EPHA3: variants seen among roughly 807,000 people sequenced by gnomAD.
EPHA3 encodes ephrin type-A receptor 3.
Under a neutral mutation model 107.1 loss-of-function variants are expected in EPHA3, and 42 were observed. The ratio of observed to expected loss-of-function variants is 0.39; its 90% CI spans 0.31 to 0.51. EPHA3 has a LOEUF of 0.51. EPHA3 is among the 20% of genes least tolerant of loss of function. The pLI is 0.78. For synonymous variants in EPHA3, 461 were observed against 424.8 expected, an observed-to-expected ratio of 1.09 and a Z score of -1.05; for missense variants, 1,183 against 1,211.2, an observed-to-expected ratio of 0.98 and a Z score of 0.35.
At chr3:89,227,615 G>A (rs574850568) in intron 3 of EPHA3, among the ~76,000 whole-genome samples, 33 of 152,082 alleles carry the variant, frequency 2.2e-4, no homozygotes, top group African/African-American at 7.7e-4. Context: ...ACATATCCAG[G>A]AACAACTAGT....
At chr3:89,270,190 A>C (rs1032802024) in intron 3 of EPHA3, among the ~76,000 whole-genome samples, 1 of 152,090 alleles carries the variant, frequency 6.6e-6, no homozygotes, top group Non-Finnish European at 1.5e-5. Context: ...GGCATTCTGC[A>C]TGGTACCTGA....
chr3:89,147,423 T>G (rs1184636465), intron 2 of EPHA3, among the ~76,000 whole-genome samples: 2 of 151,918 alleles, frequency 1.3e-5, no homozygotes, highest in East Asian at 1.9e-4. Context: ...GTTGCTAAGA[T>G]GTATGGTAAG....
At chr3:89,200,368 A>G (rs2107158794) in intron 2 of EPHA3, among the ~76,000 whole-genome samples, 1 of 152,334 alleles carries the variant, frequency 6.6e-6, no homozygotes, top group Non-Finnish European at 1.5e-5. Context: ...CTATCTTCAC[A>G]TGTAGATATT....
chr3:89,451,404 C>A (rs1195714800), intron 15 of EPHA3, among the ~76,000 whole-genome samples: 2 of 151,998 alleles, frequency 1.3e-5, no homozygotes, highest in African/African-American at 4.8e-5. Context: ...GCAAAGATAT[C>A]TTGTTTAATA....
intron 1 of EPHA3, among the ~76,000 whole-genome samples, chr3:89,114,171 G>A (rs1237957188): frequency 6.6e-6 from 1 of 152,096 alleles, no homozygotes; most frequent in Non-Finnish European, 1.5e-5. Context: ...CCACAGGAGG[G>A]GATAACTGCC....
intron 2 of EPHA3, among the ~76,000 whole-genome samples, chr3:89,157,985 C>A (rs1273392907): frequency 6.6e-6 from 1 of 151,948 alleles, no homozygotes; most frequent in East Asian, 1.9e-4. Context: ...TTTGTGAGGT[C>A]TTTTCTGTCC....
chr3:89,379,680 G>A (rs1289226921), intron 5 of EPHA3, among the ~76,000 whole-genome samples: 10 of 152,132 alleles, frequency 6.6e-5, no homozygotes, highest in African/African-American at 2.2e-4. Flanking sequence ...TTCTGGTATC[G>A]TGGTAACATG....
At chr3:89,355,772 T>C (rs1707933680) in intron 5 of EPHA3, among the ~76,000 whole-genome samples, 1 of 150,252 alleles carries the variant, frequency 6.7e-6, no homozygotes, top group Admixed American at 6.7e-5. Flanking sequence ...TTCCCGTGTC[T>C]GGGGGAAATA....
intron 5 of EPHA3, among the ~76,000 whole-genome samples, chr3:89,344,217 G>T (rs1707592896): frequency 1.3e-5 from 2 of 151,998 alleles, no homozygotes; most frequent in Admixed American, 1.3e-4. Flanking sequence ...GCATTTATCA[G>T]GAAACTAATA....
intron 3 of EPHA3, among the ~76,000 whole-genome samples, chr3:89,271,457 C>A (rs7640128): frequency 0.84 from 127,739 of 151,840 alleles, 54,232 homozygotes; most frequent in African/African-American, 0.96. Flanking sequence ...GACATGGAGG[C>A]GTCAAGAAAC....
chr3:89,453,453 A>G (rs1710035544), intron 15 of EPHA3, among the ~76,000 whole-genome samples: 1 of 152,162 alleles, frequency 6.6e-6, no homozygotes, highest in Admixed American at 6.6e-5. Context: ...TTTCTTTAAT[A>G]CATGAACTAA....
intron 5 of EPHA3, among the ~76,000 whole-genome samples, chr3:89,373,167 CA>C (rs1380108994): frequency 6.6e-6 from 1 of 151,800 alleles, no homozygotes; most frequent in Non-Finnish European, 1.5e-5. Context: ...CAAGTCTTTG[CA>C]AGGGCAAAGA....
At chr3:89,223,476 G>T (rs1161516180) in intron 3 of EPHA3, among the ~76,000 whole-genome samples, 1 of 152,146 alleles carries the variant, frequency 6.6e-6, no homozygotes, top group Non-Finnish European at 1.5e-5. Context: ...TTGGCTAGTC[G>T]CCAGGCTCAT....
intron 3 of EPHA3, among the ~76,000 whole-genome samples, chr3:89,263,648 G>A (rs1242378826): frequency 6.6e-6 from 1 of 152,058 alleles, no homozygotes; most frequent in Admixed American, 6.6e-5. Context: ...TCTCTCTGAA[G>A]TCCAGCCATA....
chr3:89,399,837 C>A (rs1576359254), intron 7 of EPHA3: 1 of 1,088,770 alleles, frequency 9.2e-7, no homozygotes, highest in Non-Finnish European at 1.1e-6. Flanking sequence ...ATTCAATGAA[C>A]CACAAAAAAG....
At chr3:89,253,829 T>C (rs1705218381) in intron 3 of EPHA3, among the ~76,000 whole-genome samples, 1 of 152,034 alleles carries the variant, frequency 6.6e-6, no homozygotes, top group Non-Finnish European at 1.5e-5. Context: ...AGGAGTTTTT[T>C]TTTTAAGTAG....
chr3:89,192,794 C>T (rs912310274), intron 2 of EPHA3, among the ~76,000 whole-genome samples: 63 of 151,934 alleles, frequency 4.1e-4, no homozygotes, highest in Non-Finnish European at 7.7e-4. Flanking sequence ...TCTCTGGAGA[C>T]ATGTAATATT....
intron 2 of EPHA3, among the ~76,000 whole-genome samples, chr3:89,204,717 C>A (rs186004624): frequency 6.7e-6 from 1 of 149,844 alleles, no homozygotes; most frequent in African/African-American, 2.4e-5. Flanking sequence ...TATATTTGTG[C>A]GTGACACTTG....
At chr3:89,169,473 TATAGA>T (rs1389023893) in intron 2 of EPHA3, among the ~76,000 whole-genome samples, 2 of 152,206 alleles carry the variant, frequency 1.3e-5, no homozygotes, top group African/African-American at 4.8e-5. Context: ...GCTTTTCATG[TATAGA>T]ATAAACTGCA....
Sources: gnomAD v4.1 joint callset for allele counts (sites outside exome capture counted in the v4.1 genomes callset) on GRCh38, gnomAD v4.1.1 for gene constraint, MANE v1.5 for transcripts, NCBI Gene and HGNC (gene_info 2026-07-23, HGNC 2026-07-21) for gene names.